Variants in NOTCH3 observed in about 807,000 individuals in gnomAD.
NOTCH3 encodes notch receptor 3.
In NOTCH3, 86 loss-of-function variants were observed where a neutral mutation model predicts 213.3. That is an observed-to-expected ratio of 0.40 (90% CI 0.34 to 0.48). The LOEUF is 0.48. Ranked by LOEUF, NOTCH3 falls within the 20% of genes least tolerant of loss-of-function variation. The pLI, the probability that NOTCH3 is intolerant of heterozygous loss-of-function variation, is 0.57. For synonymous variants in NOTCH3, 1,354 were observed against 1,355.9 expected, an observed-to-expected ratio of 1.00 and a Z score of 0.03; for missense variants, 2,783 against 3,272.6, an observed-to-expected ratio of 0.85 and a Z score of 3.65.
intron 16 of NOTCH3, among the ~76,000 whole-genome samples, chr19:15,182,608 C>T (rs1050307615): frequency 2.6e-5 from 4 of 151,140 alleles, no homozygotes; most frequent in Non-Finnish European, 4.4e-5. Context: ...AGATTATATA[C>T]ATTTATTTAT....
At chr19:15,180,358 A>G in intron 19 of NOTCH3, 102 bp from the exon 20 acceptor site, 2 of 1,298,134 alleles carry the variant, frequency 1.5e-6, no homozygotes, top group Non-Finnish European at 2.2e-6. Context: ...ATGAGTCCCC[A>G]GGATCGCACC....
rs2145419220 is a variant in NOTCH3 at position 15,179,511 on chromosome 19, G to A, written c.3328-15C>T. 6.2e-7 allele frequency: 1 copy of A among 1,613,630 alleles called. No homozygotes were observed. The highest frequency in any genetic ancestry group is 8.5e-7 in the Non-Finnish European group (1 of 1,179,950). On this transcript the variant is annotated splice_polypyrimidine_tract_variant and intron_variant, in intron 20 of 32. Transcript: ENST00000263388. ...CCAGGAAGACACTTCAGTGGGGTAAGAGAGGGACCCACTCAGCTTAGTGGG... is the reference window on the plus strand; with the variant it reads ...CCAGGAAGACACTTCAGTGGGGTAAAAGAGGGACCCACTCAGCTTAGTGGG...
At chr19:15,187,032 C>T (rs760531653) in intron 11 of NOTCH3, 44 bp from the exon 12 acceptor site, 2 of 1,607,058 alleles carry the variant, frequency 1.2e-6, no homozygotes, top group East Asian at 2.2e-5. Flanking sequence ...CACTGTGCCC[C>T]ACTAGATGCA....
chr19:15,192,182 G>A lies in NOTCH3; in HGVS notation c.457C>T (p.Arg153Cys), dbSNP rs797045014. The change falls in exon 4 of 33, where the codon CGC becomes TGC. Residue 153 changes from arginine (R) to cysteine (C), a missense_variant. Coordinates refer to ENST00000263388, the MANE Select transcript of NOTCH3 (RefSeq NM_000435.3). ...TCATCCACGTCGCTTCGGCAGCTGC[G>A]GCCCTGGTAGCCAGGTGGGCAGGAG... ...LCSCPPGYQGRSCRSDVDECR... is the reference protein window; with the variant it reads ...LCSCPPGYQGCSCRSDVDECR... 6.2e-7 allele frequency: 1 copy of A among 1,612,464 alleles called. No homozygotes were observed. The highest frequency in any genetic ancestry group is 8.5e-7 in the Non-Finnish European group (1 of 1,179,820).
At chr19:15,200,731 G>A in intron 1 of NOTCH3, 57 bp downstream of exon 1, 5 of 1,198,440 alleles carry the variant, frequency 4.2e-6, no homozygotes, top group African/African-American at 1.6e-5. Context: ...GGCCTTGGGG[G>A]TTCTTGCACT....
chr19:15,166,142 A>G (rs565125132), intron 29 of NOTCH3, 51 bp from the exon 30 acceptor site: 16 of 1,527,600 alleles, frequency 1.0e-5, no homozygotes, highest in Middle Eastern at 3.4e-4. Flanking sequence ...GGCCTTTTCC[A>G]GGAAATGTTA....
At chr19:15,174,434 G>A in intron 24 of NOTCH3, 34 bp from the exon 25 acceptor site, 1 of 1,462,360 alleles carries the variant, frequency 6.8e-7, no homozygotes, top group Non-Finnish European at 9.2e-7. Context: ...GAGGGGCGGA[G>A]TCAGGGGTCA....
intron 2 of NOTCH3, among the ~76,000 whole-genome samples, chr19:15,194,762 C>G (rs2046956139): frequency 6.6e-6 from 1 of 151,982 alleles, no homozygotes; most frequent in Non-Finnish European, 1.5e-5. Flanking sequence ...TCGAGACCAG[C>G]CTGACCAACA....
At chr19:15,176,268 A>G (rs1486651323) in intron 24 of NOTCH3, among the ~76,000 whole-genome samples, 1 of 149,854 alleles carries the variant, frequency 6.7e-6, no homozygotes, top group Non-Finnish European at 1.5e-5. Flanking sequence ...TCCCAGGTTC[A>G]AGCAATTCTC....
intron 23 of NOTCH3, 63 bp from the exon 24 acceptor site, chr19:15,178,153 G>T: frequency 9.8e-7 from 1 of 1,024,542 alleles, no homozygotes; most frequent in Non-Finnish European, 1.4e-6. Context: ...GGAAGGAGGA[G>T]AAGAAATGGA....
chr19:15,167,305 G>A lies in NOTCH3; in HGVS notation c.5306C>T (p.Thr1769Ile). The A allele has an allele frequency of 1.2e-6, 2 of 1,613,734 alleles. No individual in the cohort carries two copies. Among genetic ancestry groups the A allele is most frequent in the Non-Finnish European group, 1.7e-6 (2 of 1,180,014 alleles). The change falls in exon 29 of 33, where the codon ACA becomes ATA. Residue 1769 changes from threonine (T) to isoleucine (I), a missense_variant. By Grantham distance (89) the Thr-to-Ile change is moderately conservative (BLOSUM62 -1). Around this residue, in one of 6 missense-constraint regions of NOTCH3, gnomAD observed 636 missense variants for 801.8 expected, o/e 0.79. Coordinates refer to ENST00000263388, the MANE Select transcript of NOTCH3 (RefSeq NM_000435.3). ...AGCATCTGCGTCGCCCTGTGGTGGT[G>A]TCAGTGCCATGGCTGGTGCCACGCG... ...DIRVAPAMAL[T>I]PPQGDADADG...
chr19:15,166,541 T>C (rs2046687908), intron 29 of NOTCH3, among the ~76,000 whole-genome samples: 1 of 151,850 alleles, frequency 6.6e-6, no homozygotes, highest in Admixed American at 6.6e-5. Flanking sequence ...CCCAGGGACA[T>C]AAAATCCCAG....
chr19:15,189,820 G>A (rs2046914123), intron 6 of NOTCH3, among the ~76,000 whole-genome samples: 2 of 152,016 alleles, frequency 1.3e-5, no homozygotes, highest in African/African-American at 4.8e-5. Flanking sequence ...CGCCCGGCCT[G>A]TTGTTTTTAT....
rs145425679 is a variant in NOTCH3 at position 15,174,400 on chromosome 19, G to A, written c.4404C>T (p.Asn1468=). Reference sequence around the variant, plus strand: ...CGGCGCAGTACTTCTCGTACACCGGGCTGGTGGGGAAGGGTGAGGCAGAGA... The same window carrying A: ...CGGCGCAGTACTTCTCGTACACCGGACTGGTGGGGAAGGGTGAGGCAGAGA... The part of the protein sequence containing the change: ...CHAGGRERTC[N]PVYEKYCADH... Residue 1468 remains asparagine (N), a splice_region_variant and synonymous_variant, in exon 25 of 33, where the codon AAC becomes AAT. Transcript: ENST00000263388. 173 of 1,519,826 alleles carry A rather than the reference G, an allele frequency of 1.1e-4. No individual in the cohort carries two copies. The highest frequency in any genetic ancestry group is 1.4e-4 in the Non-Finnish European group (155 of 1,127,772). The allele number at this position is 1,519,826 out of a possible 1,614,324, so 94.1% of individuals were successfully genotyped here. A position where few individuals can be genotyped will look rare whatever the true frequency, so the allele number is the denominator to read the frequency against.
At chr19:15,193,469 T>G (rs1208146948) in intron 2 of NOTCH3, among the ~76,000 whole-genome samples, 1 of 152,014 alleles carries the variant, frequency 6.6e-6, no homozygotes, top group Non-Finnish European at 1.5e-5. Flanking sequence ...GGGCCCTAAA[T>G]TCAGTGACAA....
Position 15,200,793 on chromosome 19 carries a change from G to GC in NOTCH3, c.112dup (p.Ala38GlyfsTer37). 1 of 1,278,112 alleles carries GC rather than the reference G, an allele frequency of 7.8e-7. No homozygotes were observed. Among genetic ancestry groups the GC allele is most frequent in the Non-Finnish European group, 9.9e-7 (1 of 1,006,390 alleles). 79.2% of individuals were successfully genotyped at this position (1,278,112 alleles called of 1,614,324 possible). ...GCCAGGTCCCGGCCCCTCACCTGCA[G>GC]CCCCCGGCCCCGCTAGCAGCAGCAG... is the stretch of plus-strand genomic sequence containing the variant. On this transcript the variant is annotated frameshift_variant, in exon 1 of 33. Transcript: ENST00000263388. LOFTEE classifies it high-confidence loss of function.
Position 15,189,143 on chromosome 19 carries a change from G to T in NOTCH3, c.1224C>A (p.Cys408Ter). The change falls in exon 8 of 33, where the codon TGC (cysteine) becomes TGA (stop). Residue 408 changes from cysteine (C) to a stop codon, truncating the protein, a stop_gained. Coordinates refer to ENST00000263388, the MANE Select transcript of NOTCH3 (RefSeq NM_000435.3). LOFTEE classifies it high-confidence loss of function. ...GANPCEHLGR[C>*]VNTQGSFLCQ... ...ACAGGAAGGAGCCCTGCGTGTTCAC[G>T]CACCTGCCCAAGTGCTCGCAGGGGT... The T allele has an allele frequency of 6.2e-7, 1 of 1,613,354 alleles. No individual in the cohort carries two copies. Among genetic ancestry groups the T allele is most frequent in the Non-Finnish European group, 8.5e-7 (1 of 1,180,028 alleles).
chr19:15,193,591 A>G (rs1170441191), intron 2 of NOTCH3, among the ~76,000 whole-genome samples: 2 of 151,752 alleles, frequency 1.3e-5, no homozygotes, highest in Non-Finnish European at 2.9e-5. Context: ...ACATAGGGAG[A>G]CTTTTTTTCC....
intron 8 of NOTCH3, among the ~76,000 whole-genome samples, chr19:15,188,683 T>C (rs2046903872): frequency 6.6e-6 from 1 of 151,498 alleles, no homozygotes; most frequent in South Asian, 2.1e-4. Flanking sequence ...CAAGCTTGTC[T>C]GCAGGCTTCA....
Sources: gnomAD v4.1 joint callset for allele counts (sites outside exome capture counted in the v4.1 genomes callset) on GRCh38, gnomAD v4.1.1 for gene constraint, gnomAD v4.1.1 regional missense constraint, MANE v1.5 for transcripts, NCBI Gene and HGNC (gene_info 2026-07-23, HGNC 2026-07-21) for gene names.